TUBB8: variants seen among roughly 807,000 people sequenced by gnomAD.
TUBB8 encodes the protein tubulin beta-8 chain.
In TUBB8, 25 loss-of-function variants were observed where a neutral mutation model predicts 33.7. The observed-to-expected ratio is 0.74, with a 90% CI of 0.54 to 1.04. The LOEUF (loss-of-function observed/expected upper bound fraction) is 1.04. Ranked by LOEUF, TUBB8 falls within the 50% of genes least tolerant of loss-of-function variation. TUBB8 has a pLI of 0.00. For synonymous variants in TUBB8, 245 were observed against 240.1 expected, an observed-to-expected ratio of 1.02 and a Z score of -0.19; for missense variants, 279 against 608.0, an observed-to-expected ratio of 0.46 and a Z score of 5.69.
chr10:48,209 G>T (rs1360402198), intron 3 of TUBB8, 95 bp from the exon 4 acceptor site: 9 of 1,044,328 alleles, frequency 8.6e-6, no homozygotes, highest in Non-Finnish European at 1.3e-5. Flanking sequence ...CACACGTGAG[G>T]TGAGAGCACC....
chr10:48,543 A>G (rs1834404241), intron 3 of TUBB8, 72 bp downstream of exon 3: 1 of 1,416,630 alleles, frequency 7.1e-7, no homozygotes, highest in South Asian at 1.1e-5. Context: ...CCAGAGGATG[A>G]CCTTAGCACA....
chr10:61,090 G>C (rs1554740783), intron 1 of TUBB8, among the ~76,000 whole-genome samples: 1 of 117,346 alleles, frequency 8.5e-6, no homozygotes, highest in African/African-American at 3.2e-5. Flanking sequence ...TGGGGGGAGG[G>C]GGGAGGGATA....
upstream of TUBB8, among the ~76,000 whole-genome samples, chr10:51,436 G>A (rs1834467417): frequency 6.6e-6 from 1 of 152,192 alleles, no homozygotes; most frequent in African/African-American, 2.4e-5. Flanking sequence ...TTTGCCTGCT[G>A]CCATGTAGAA....
At chr10:72,596 G>A (rs1327567063) in intron 1 of TUBB8, among the ~76,000 whole-genome samples, 1 of 150,962 alleles carries the variant, frequency 6.6e-6, no homozygotes, top group Admixed American at 6.6e-5. Flanking sequence ...GCTCACGCAT[G>A]TAATCCCAAC....
rs150100936 is a variant in TUBB8 at position 48,667 on chromosome 10, A to G, written c.225T>C (p.Ser75=). The change falls in exon 3 of 4, where the codon TCT becomes TCC. Residue 75 remains serine (S), a synonymous_variant. Transcript: ENST00000568584. ...CCTGCCCGAAGGGCCCCGAGCGCAC[A>G]GAGTCCATGGTGCCCGGCTCCAGAT... ...LVDLEPGTMD[S]VRSGPFGQVF... 1.5e-5 allele frequency: 24 copies of G among 1,611,904 alleles called. No individual in the cohort carries two copies. The highest frequency in any genetic ancestry group is 4.0e-5 in the African/African-American group (3 of 74,842).
At chr10:63,450 C>T (rs1834628370) in intron 1 of TUBB8, among the ~76,000 whole-genome samples, 1 of 152,180 alleles carries the variant, frequency 6.6e-6, no homozygotes, top group South Asian at 2.1e-4. Flanking sequence ...TATTTTGAGG[C>T]TATTTTTTAG....
intron 1 of TUBB8, among the ~76,000 whole-genome samples, chr10:68,995 G>C (rs1326790576): frequency 6.6e-6 from 1 of 152,016 alleles, no homozygotes; most frequent in Non-Finnish European, 1.5e-5. Context: ...CGTTCCCAGG[G>C]GAAACACCTC....
At position 47,260 on chromosome 10, in the gene TUBB8, A is replaced by G; in HGVS notation, c.1132T>C (p.Phe378Leu). The G allele has an allele frequency of 6.2e-7, 1 of 1,613,726 alleles. No individual in the cohort carries two copies. ...IGNNTAIQEL[F>L]KRVSEQFTAM... ...GTAAACTGCTCTGAGACACGCTTGAAGAGTTCCTGGATGGCCGTATTATTC... is the reference window on the plus strand; with the variant it reads ...GTAAACTGCTCTGAGACACGCTTGAGGAGTTCCTGGATGGCCGTATTATTC... Residue 378 changes from phenylalanine to leucine, a missense_variant, in exon 4 of 4, where the codon TTC becomes CTC. Coordinates refer to ENST00000568584, the MANE Select transcript of TUBB8 (RefSeq NM_177987.3).
At position 47,379 on chromosome 10, in the gene TUBB8, C is replaced by T. The variant is rs1564203400; in HGVS notation, c.1013G>A (p.Ser338Asn). ...GGGGAGCCAGTCAGCAAAGTAACTG[C>T]TGTTCTTATCTTGAATGTTGAACAT... ...EQMFNIQDKN[S>N]SYFADWLPNN... The change falls in exon 4 of 4, where the codon AGC (serine) becomes AAC (asparagine). Residue 338 changes from serine to asparagine, a missense_variant. By Grantham distance (46) the Ser-to-Asn change is conservative. Coordinates refer to ENST00000568584, the MANE Select transcript of TUBB8 (RefSeq NM_177987.3). 1.2e-6 allele frequency: 2 copies of T among 1,612,804 alleles called. No homozygotes were observed. Among genetic ancestry groups the T allele is most frequent in the Non-Finnish European group, 1.7e-6 (2 of 1,179,936 alleles).
At chr10:75,185 A>AT (rs111910470), upstream of TUBB8, among the ~76,000 whole-genome samples, 112,341 of 147,810 alleles carry the variant, frequency 0.76, 43,207 homozygotes, top group Middle Eastern at 0.87. Context: ...GCCCAGCCAA[A>AT]TTTTTTTTTT....
chr10:74,233 G>A (rs1430880233), upstream of TUBB8: 4 of 151,434 alleles, frequency 2.6e-5, no homozygotes, highest in South Asian at 8.3e-4. Flanking sequence ...ACAGCTCTGG[G>A]GAATCTCTGG....
intron 1 of TUBB8, among the ~76,000 whole-genome samples, chr10:72,324 C>T (rs1442224337): frequency 1.7e-4 from 25 of 148,338 alleles, no homozygotes; most frequent in Non-Finnish European, 2.5e-4. Flanking sequence ...TATGGGAGGC[C>T]GAGGTGGGTG....
chr10:64,166 A>C (rs1554741267), intron 1 of TUBB8, among the ~76,000 whole-genome samples: 2 of 152,104 alleles, frequency 1.3e-5, no homozygotes, highest in Non-Finnish European at 2.9e-5. Flanking sequence ...CCCTGAGGCC[A>C]CCACCACTGA....
intron 1 of TUBB8, among the ~76,000 whole-genome samples, chr10:67,961 G>T (rs1181234798): frequency 2.6e-5 from 4 of 152,158 alleles, no homozygotes; most frequent in African/African-American, 9.6e-5. Context: ...TGTAGGGACG[G>T]TGTCTGGCTA....
intron 1 of TUBB8, among the ~76,000 whole-genome samples, chr10:56,363 G>T (rs1482270065): frequency 6.6e-6 from 1 of 152,232 alleles, no homozygotes; most frequent in East Asian, 1.9e-4. Context: ...ACTTCTAATA[G>T]TTTTTTGATG....
At chr10:49,582 G>A (rs550600433), upstream of TUBB8, 3 of 547,282 alleles carry the variant, frequency 5.5e-6, no homozygotes, top group African/African-American at 5.6e-5. Context: ...GAAGACTCTT[G>A]TTTCCATATG....
At chr10:71,558 T>G (rs9419458) in intron 1 of TUBB8, among the ~76,000 whole-genome samples, 2 of 145,148 alleles carry the variant, frequency 1.4e-5, no homozygotes, top group African/African-American at 5.1e-5. Context: ...GAGTCAGAGG[T>G]TGCAGTGAGC....
At chr10:61,578 GT>G (rs1485422166) in intron 1 of TUBB8, among the ~76,000 whole-genome samples, 5 of 152,234 alleles carry the variant, frequency 3.3e-5, no homozygotes, top group Non-Finnish European at 5.9e-5. Context: ...TTCTGCAGCT[GT>G]TGGATGAAAT....
At chr10:53,838 C>T (rs1452205625), upstream of TUBB8, among the ~76,000 whole-genome samples, 4 of 146,014 alleles carry the variant, frequency 2.7e-5, no homozygotes, top group Non-Finnish European at 4.5e-5. Flanking sequence ...TGAAAAGCTA[C>T]TTCAAGCCAT....
Sources: gnomAD v4.1 joint callset for allele counts (sites outside exome capture counted in the v4.1 genomes callset) on GRCh38, gnomAD v4.1.1 for gene constraint, MANE v1.5 for transcripts, NCBI Gene and HGNC (gene_info 2026-07-23, HGNC 2026-07-21) for gene names.